The following LUZP2 variants were observed in gnomAD, a reference collection of about 807,000 sequenced individuals.
LUZP2 encodes leucine zipper protein 2.
LUZP2 carries 52 observed loss-of-function variants against 51.6 expected under a neutral mutation model. That is an observed-to-expected ratio of 1.01 (90% CI 0.81 to 1.27). The LOEUF is 1.27. Among genes scored for constraint, LUZP2 ranks in the 50% most tolerant of loss-of-function variants. LUZP2 has a pLI of 0.00. For synonymous variants in LUZP2, 154 were observed against 137.3 expected (o/e 1.12, Z -0.85); for missense variants, 436 against 395.4 (o/e 1.10, Z -0.87).
intron 10 of LUZP2, among the ~76,000 whole-genome samples, chr11:25,056,290 A>G (rs193220841): frequency 1.3e-4 from 20 of 152,256 alleles, no homozygotes; most frequent in African/African-American, 4.6e-4. Context: ...AATATATAAT[A>G]GAATAATGAA....
chr11:24,830,657 A>G (rs575129652), intron 5 of LUZP2, among the ~76,000 whole-genome samples: 85 of 152,310 alleles, frequency 5.6e-4, no homozygotes, highest in African/African-American at 1.9e-3. Flanking sequence ...TTTAGAGACA[A>G]AAAAGTGGAA....
At chr11:24,797,186 G>A (rs1317271626) in intron 5 of LUZP2, among the ~76,000 whole-genome samples, 2 of 152,098 alleles carry the variant, frequency 1.3e-5, no homozygotes, top group Non-Finnish European at 2.9e-5. Flanking sequence ...ATAACTGTTA[G>A]CCCTTATCAC....
At chr11:24,754,173 T>G (rs755772836) in intron 4 of LUZP2, among the ~76,000 whole-genome samples, 102 of 152,306 alleles carry the variant, frequency 6.7e-4, no homozygotes, top group Non-Finnish European at 7.9e-4. Context: ...TTTTCTTAAT[T>G]TTTTGTAGAG....
intron 6 of LUZP2, among the ~76,000 whole-genome samples, chr11:24,912,468 A>G (rs1853663983): frequency 6.6e-6 from 1 of 152,080 alleles, no homozygotes; most frequent in African/African-American, 2.4e-5. Flanking sequence ...TTATTGTGCC[A>G]TTATAACACA....
At chr11:25,076,615 G>A (rs1173385555) in intron 10 of LUZP2, among the ~76,000 whole-genome samples, 1 of 47,896 alleles carries the variant, frequency 2.1e-5, no homozygotes, top group Non-Finnish European at 6.1e-5. Context: ...AGGAAGGAAT[G>A]AAGGAAGGAA....
At chr11:24,764,818 C>T (rs925842833) in intron 5 of LUZP2, among the ~76,000 whole-genome samples, 3 of 152,084 alleles carry the variant, frequency 2.0e-5, no homozygotes, top group Non-Finnish European at 2.9e-5. Flanking sequence ...AATGAGATTC[C>T]ATCTCTACCA....
At chr11:24,985,530 A>G (rs1442802223) in intron 9 of LUZP2, among the ~76,000 whole-genome samples, 5 of 151,780 alleles carry the variant, frequency 3.3e-5, no homozygotes, top group African/African-American at 7.2e-5. Flanking sequence ...CTTCTGACCT[A>G]TGTAGGAGAG....
intron 1 of LUZP2, among the ~76,000 whole-genome samples, chr11:24,660,284 T>C (rs1481761720): frequency 2.6e-5 from 4 of 152,180 alleles, no homozygotes; most frequent in South Asian, 4.1e-4. Context: ...AAATGTGTTA[T>C]GTAGCAAAAG....
chr11:24,871,034 T>C (rs1282903141), intron 5 of LUZP2, among the ~76,000 whole-genome samples: 3 of 152,054 alleles, frequency 2.0e-5, no homozygotes, highest in African/African-American at 7.2e-5. Flanking sequence ...CTACATTATA[T>C]TTAGGTCCAT....
chr11:24,556,448 A>G (rs1242598042), intron 1 of LUZP2, among the ~76,000 whole-genome samples: 1 of 152,168 alleles, frequency 6.6e-6, no homozygotes, highest in African/African-American at 2.4e-5. Context: ...CTGACATATT[A>G]TATCAAAGAA....
intron 1 of LUZP2, among the ~76,000 whole-genome samples, chr11:24,726,083 T>A (rs1265713250): frequency 6.6e-6 from 1 of 152,148 alleles, no homozygotes; most frequent in African/African-American, 2.4e-5. Flanking sequence ...CCAGTCTTAG[T>A]TACTTTGTTA....
chr11:24,784,588 T>C (rs1849185827), intron 5 of LUZP2, among the ~76,000 whole-genome samples: 1 of 152,056 alleles, frequency 6.6e-6, no homozygotes, highest in Non-Finnish European at 1.5e-5. Flanking sequence ...AATCTGTTTT[T>C]GTTTTCATTT....
At chr11:24,602,272 A>G (rs963568513) in intron 1 of LUZP2, among the ~76,000 whole-genome samples, 18 of 138,816 alleles carry the variant, frequency 1.3e-4, no homozygotes, top group Non-Finnish European at 1.8e-4. Context: ...ATATGTACAT[A>G]CATATATACA....
chr11:24,857,505 A>C (rs1281854457), intron 5 of LUZP2, among the ~76,000 whole-genome samples: 1 of 151,488 alleles, frequency 6.6e-6, no homozygotes, highest in East Asian at 1.9e-4. Flanking sequence ...CTTTAACCCA[A>C]ATTATGTTGC....
At chr11:24,691,192 C>A (rs1199725346) in intron 1 of LUZP2, among the ~76,000 whole-genome samples, 3 of 151,814 alleles carry the variant, frequency 2.0e-5, no homozygotes, top group African/African-American at 7.3e-5. Flanking sequence ...TTGTTCAGTA[C>A]CTGATACGTT....
intron 1 of LUZP2, among the ~76,000 whole-genome samples, chr11:24,545,096 G>A (rs958072365): frequency 3.3e-5 from 5 of 151,770 alleles, no homozygotes; most frequent in East Asian, 1.9e-4. Flanking sequence ...TTTGAAAAAT[G>A]TCTGTTCATG....
At chr11:24,886,513 C>G (rs1852671020) in intron 5 of LUZP2, among the ~76,000 whole-genome samples, 1 of 152,118 alleles carries the variant, frequency 6.6e-6, no homozygotes. Flanking sequence ...TCCTTTCTAG[C>G]TGGGAGAAAA....
chr11:24,590,088 A>G (rs950547659), intron 1 of LUZP2, among the ~76,000 whole-genome samples: 1 of 152,134 alleles, frequency 6.6e-6, no homozygotes, highest in African/African-American at 2.4e-5. Flanking sequence ...TGGTATGTGT[A>G]CTTGGTATTC....
At chr11:24,949,213 AG>A (rs1855000222) in intron 7 of LUZP2, among the ~76,000 whole-genome samples, 1 of 151,370 alleles carries the variant, frequency 6.6e-6, no homozygotes, top group Admixed American at 6.6e-5. Flanking sequence ...TGTTTTGTTT[AG>A]GGCTCAATGG....
Sources: gnomAD v4.1 joint callset for allele counts (sites outside exome capture counted in the v4.1 genomes callset) on GRCh38, gnomAD v4.1.1 for gene constraint, MANE v1.5 for transcripts, NCBI Gene and HGNC (gene_info 2026-07-23, HGNC 2026-07-21) for gene names.